Variants in SMAP1 observed in about 807,000 individuals in gnomAD.
The protein encoded by SMAP1 is small ArfGAP 1, also known as stromal membrane-associated protein 1.
In SMAP1, 24 loss-of-function variants were observed where a neutral mutation model predicts 58.5. That is an observed-to-expected ratio of 0.41 (90% confidence interval 0.30 to 0.58). The LOEUF (loss-of-function observed/expected upper bound fraction) is 0.58, where lower values mean the gene tolerates loss of function less well. Among genes scored for constraint, SMAP1 ranks in the 20% least tolerant of loss-of-function variants. SMAP1 has a pLI of 0.29. For synonymous variants in SMAP1, 216 were observed against 196.6 expected, an observed-to-expected ratio of 1.10 and a Z score of -0.82; for missense variants, 563 against 566.3, an observed-to-expected ratio of 0.99 and a Z score of 0.06.
At chr6:70,698,508 G>A (rs1406291358) in intron 1 of SMAP1, among the ~76,000 whole-genome samples, 1 of 152,214 alleles carries the variant, frequency 6.6e-6, no homozygotes, top group East Asian at 1.9e-4. Context: ...CTCCTTGTTA[G>A]GTTAATGACT....
At chr6:70,785,424 C>A (rs887991435) in intron 4 of SMAP1, among the ~76,000 whole-genome samples, 3 of 152,086 alleles carry the variant, frequency 2.0e-5, no homozygotes, top group African/African-American at 7.2e-5. Flanking sequence ...CATTCAAAAG[C>A]TAGCAGAGGC....
At chr6:70,818,219 C>T (rs1234443816) in intron 6 of SMAP1, among the ~76,000 whole-genome samples, 2 of 150,528 alleles carry the variant, frequency 1.3e-5, no homozygotes, top group Non-Finnish European at 3.0e-5. Context: ...CATAGTGAAA[C>T]CCCGTCTCTA....
chr6:70,854,921 G>T (rs866109759), intron 8 of SMAP1, among the ~76,000 whole-genome samples: 133 of 152,026 alleles, frequency 8.7e-4, no homozygotes, highest in African/African-American at 2.9e-3. Flanking sequence ...CCTGTCTGGG[G>T]TCTAGTCTTT....
chr6:70,830,559 T>C (rs530562349), intron 6 of SMAP1, among the ~76,000 whole-genome samples: 2 of 152,230 alleles, frequency 1.3e-5, no homozygotes, highest in Non-Finnish European at 2.9e-5. Context: ...TACAAATTGA[T>C]AGTTTATGTA....
At chr6:70,809,302 A>T (rs966654640) in intron 6 of SMAP1, among the ~76,000 whole-genome samples, 17 of 152,226 alleles carry the variant, frequency 1.1e-4, no homozygotes, top group African/African-American at 2.9e-4. Flanking sequence ...TTTAAAAAAA[A>T]TTAGTTGGGA....
intron 3 of SMAP1, among the ~76,000 whole-genome samples, chr6:70,766,647 C>G (rs1467205340): frequency 6.6e-6 from 1 of 152,038 alleles, no homozygotes; most frequent in Admixed American, 6.6e-5. Context: ...TGGTTATTAG[C>G]CCTTTGTCAG....
chr6:70,704,168 G>A (rs536627056), intron 1 of SMAP1, among the ~76,000 whole-genome samples: 2 of 152,246 alleles, frequency 1.3e-5, no homozygotes, highest in East Asian at 3.9e-4. Context: ...GCTCATTGAA[G>A]AGAACAGTTA....
chr6:70,725,093 G>GTTTTTTTTTTTTTTTT lies in SMAP1; in HGVS notation c.119-7259_119-7244dup, dbSNP rs745587315. 1.7e-4 allele frequency among the ~76,000 whole-genome samples: 8 copies of GTTTTTTTTTTTTTTTT among 47,822 alleles called. 3 individuals are homozygous for GTTTTTTTTTTTTTTTT. Among genetic ancestry groups the GTTTTTTTTTTTTTTTT allele is most frequent in the Middle Eastern group, 0.038 (2 of 52 alleles). 31.4% of individuals were successfully genotyped at this position (47,822 alleles called of 152,430 possible). A position where few individuals can be genotyped will look rare whatever the true frequency, so the allele number is the denominator to read the frequency against. On this transcript the variant is annotated intron_variant, in intron 1 of 10. Coordinates refer to ENST00000370455, the MANE Select transcript of SMAP1 (RefSeq NM_001044305.3). ...GACTCCATATCCTAAATTAACCAGTGTTTTTTTTTTTTTTTTTTTTTTTTT... is the reference window on the plus strand; with the variant it reads ...GACTCCATATCCTAAATTAACCAGTGTTTTTTTTTTTTTTTTTTTTTTTTTTTTTTTTTTTTTTTTT...
chr6:70,827,376 T>G (rs1665599154), intron 6 of SMAP1, among the ~76,000 whole-genome samples: 1 of 152,208 alleles, frequency 6.6e-6, no homozygotes, highest in South Asian at 2.1e-4. Context: ...GTCCTGAATA[T>G]AGCACAAAAG....
intron 1 of SMAP1, among the ~76,000 whole-genome samples, chr6:70,724,352 T>C (rs142983937): frequency 6.6e-6 from 1 of 152,116 alleles, no homozygotes; most frequent in East Asian, 1.9e-4. Flanking sequence ...GCCTGCCACA[T>C]GCTCAGCTAA....
intron 6 of SMAP1, among the ~76,000 whole-genome samples, chr6:70,810,265 A>C (rs1191968807): frequency 6.6e-6 from 1 of 152,144 alleles, no homozygotes; most frequent in Admixed American, 6.6e-5. Context: ...AGCCTTCTGC[A>C]CCTGACTAGC....
At chr6:70,672,331 G>GCTGTTTCAAGACCTTCAAAACAAT (rs1231036942) in intron 1 of SMAP1, among the ~76,000 whole-genome samples, 34 of 152,086 alleles carry the variant, frequency 2.2e-4, no homozygotes, top group Non-Finnish European at 4.6e-4. Flanking sequence ...CAAGACCTTT[G>GCTGTTTCAAGACCTTCAAAACAAT]CACGTGCTGT....
chr6:70,809,522 A>G (rs921097372), intron 6 of SMAP1, among the ~76,000 whole-genome samples: 1 of 152,226 alleles, frequency 6.6e-6, no homozygotes, highest in Non-Finnish European at 1.5e-5. Context: ...TTCTTAGTAA[A>G]TCATTAAATT....
At chr6:70,851,049 T>C (rs765885767) in intron 7 of SMAP1, among the ~76,000 whole-genome samples, 1 of 152,164 alleles carries the variant, frequency 6.6e-6, no homozygotes, top group Non-Finnish European at 1.5e-5. Flanking sequence ...CACCTTTTAA[T>C]TGTCCATAGT....
intron 6 of SMAP1, among the ~76,000 whole-genome samples, chr6:70,805,654 C>G (rs1769092603): frequency 6.6e-6 from 1 of 152,170 alleles, no homozygotes; most frequent in African/African-American, 2.4e-5. Flanking sequence ...TACCTTTGGT[C>G]TTTGATGTTG....
At chr6:70,828,621 A>G (rs1770235836) in intron 6 of SMAP1, among the ~76,000 whole-genome samples, 1 of 152,244 alleles carries the variant, frequency 6.6e-6, no homozygotes, top group Admixed American at 6.5e-5. Flanking sequence ...AGTGACATAT[A>G]TGAATGCTAG....
intron 1 of SMAP1, chr6:70,668,569 C>T (rs1203199795): frequency 2.6e-6 from 4 of 1,535,012 alleles, no homozygotes; most frequent in African/African-American, 2.7e-5. Flanking sequence ...TGGATCCCCT[C>T]CTCTACCCTC....
chr6:70,838,606 T>A lies in SMAP1; in HGVS notation c.664+1578T>A, dbSNP rs115123287. Among the ~76,000 whole-genome samples, 975 of 152,214 alleles carry A rather than the reference T, an allele frequency of 6.4e-3. 13 individuals carry two copies. The highest frequency in any genetic ancestry group is 0.022 in the African/African-American group (928 of 41,528). ...TCTGGATCTGTAAGCAAGAGTATTC[T>A]GAGAAGAACACAGCAGATGCAAAGG... On this transcript the variant is annotated intron_variant, in intron 7 of 10. Transcript: ENST00000370455.
At chr6:70,838,317 CTGTCTAT>C (rs201789135) in intron 7 of SMAP1, among the ~76,000 whole-genome samples, 1,584 of 152,266 alleles carry the variant, frequency 0.01, 12 homozygotes, top group Non-Finnish European at 0.015. Flanking sequence ...CAAATAGCTA[CTGTCTAT>C]TGTGTGTCAA....
Sources: gnomAD v4.1 joint callset for allele counts (sites outside exome capture counted in the v4.1 genomes callset) on GRCh38, gnomAD v4.1.1 for gene constraint, MANE v1.5 for transcripts, NCBI Gene and HGNC (gene_info 2026-07-23, HGNC 2026-07-21) for gene names.